Variants in RNF216 observed in about 807,000 individuals in gnomAD.
RNF216 encodes the protein E3 ubiquitin-protein ligase RNF216.
Under a neutral mutation model 110.8 loss-of-function variants are expected in RNF216, and 72 were observed. The ratio of observed to expected loss-of-function variants is 0.65; its 90% CI spans 0.54 to 0.79. The LOEUF (loss-of-function observed/expected upper bound fraction) is 0.79, where lower values mean the gene tolerates loss of function less well. RNF216 is among the 30% of genes least tolerant of loss of function. The pLI, the probability that RNF216 is intolerant of heterozygous loss-of-function variation, is 0.00. For missense variants in RNF216, 1,342 were observed against 1,141.2 expected, an observed-to-expected ratio of 1.18 and a Z score of -2.54; for synonymous variants, 495 against 407.5, an observed-to-expected ratio of 1.21 and a Z score of -2.59.
At chr7:5,751,827 T>TAAAAAAAA (rs3075700) in intron 3 of RNF216, among the ~76,000 whole-genome samples, 2 of 37,276 alleles carry the variant, frequency 5.4e-5, no homozygotes, top group Non-Finnish European at 8.7e-5. Context: ...ATCTTTAAAC[T>TAAAAAAAA]AAAAAAAAAA....
chr7:5,742,217 TTG>T (rs1479698770), intron 3 of RNF216, among the ~76,000 whole-genome samples: 1 of 152,100 alleles, frequency 6.6e-6, no homozygotes, highest in Non-Finnish European at 1.5e-5. Flanking sequence ...CAGCTAATTT[TTG>T]TGTTTCTAAG....
At chr7:5,663,413 C>G (rs1193448368) in intron 13 of RNF216, among the ~76,000 whole-genome samples, 1 of 151,766 alleles carries the variant, frequency 6.6e-6, no homozygotes, top group African/African-American at 2.4e-5. Context: ...ACCCCCGTCT[C>G]TACTAAAAAC....
intron 1 of RNF216, among the ~76,000 whole-genome samples, chr7:5,764,314 G>A (rs2128673786): frequency 6.6e-6 from 1 of 151,516 alleles, no homozygotes; most frequent in Middle Eastern, 3.5e-3. Flanking sequence ...ACATAAAAAT[G>A]TCATAAGGTA....
chr7:5,773,870 C>A (rs1417422117), intron 1 of RNF216, among the ~76,000 whole-genome samples: 1 of 152,142 alleles, frequency 6.6e-6, no homozygotes, highest in East Asian at 1.9e-4. Context: ...TGGCCCCAAG[C>A]CAAATTTCTT....
chr7:5,710,889 C>A (rs753717097), intron 13 of RNF216, among the ~76,000 whole-genome samples: 41 of 152,196 alleles, frequency 2.7e-4, no homozygotes, highest in Non-Finnish European at 4.9e-4. Flanking sequence ...AAGATGCCAG[C>A]GACTGTTGTG....
At chr7:5,711,132 T>C (rs961639393) in intron 13 of RNF216, among the ~76,000 whole-genome samples, 5 of 152,198 alleles carry the variant, frequency 3.3e-5, no homozygotes, top group Middle Eastern at 6.3e-3. Context: ...GATGCTAATA[T>C]TCACTAAAAA....
intron 13 of RNF216, among the ~76,000 whole-genome samples, chr7:5,686,224 TAA>T (rs71971690): frequency 3.8e-4 from 42 of 111,600 alleles, no homozygotes; most frequent in South Asian, 8.7e-4. Flanking sequence ...ACTCTGTTAT[TAA>T]AAAAAAAAAA....
At chr7:5,676,195 A>T (rs1307454958) in intron 13 of RNF216, among the ~76,000 whole-genome samples, 1 of 151,406 alleles carries the variant, frequency 6.6e-6, no homozygotes, top group Non-Finnish European at 1.5e-5. Flanking sequence ...TATTTTTAGG[A>T]GAGATAGGGT....
chr7:5,724,160 T>A (rs1263493991), intron 8 of RNF216, among the ~76,000 whole-genome samples: 1 of 152,136 alleles, frequency 6.6e-6, no homozygotes, highest in Non-Finnish European at 1.5e-5. Flanking sequence ...TGGAGTATGA[T>A]GTGCAGTCTT....
chr7:5,778,902 C>A (rs1796923072), intron 1 of RNF216, among the ~76,000 whole-genome samples: 2 of 152,196 alleles, frequency 1.3e-5, no homozygotes, highest in African/African-American at 4.8e-5. Context: ...CGCCATCACA[C>A]CTGGCTAATT....
intron 1 of RNF216, among the ~76,000 whole-genome samples, chr7:5,770,185 G>T (rs1202567228): frequency 1.3e-5 from 2 of 151,810 alleles, no homozygotes; most frequent in African/African-American, 4.8e-5. Context: ...ACTTGGGCTG[G>T]GCGCCGTGGC....
At chr7:5,628,477 T>TA (rs1240828489) in intron 15 of RNF216, among the ~76,000 whole-genome samples, 5 of 152,092 alleles carry the variant, frequency 3.3e-5, no homozygotes, top group Admixed American at 1.3e-4. Context: ...TTTTTTAAAA[T>TA]AAAAAAATTA....
intron 13 of RNF216, among the ~76,000 whole-genome samples, chr7:5,710,711 C>G (rs925577090): frequency 3.9e-5 from 6 of 152,204 alleles, no homozygotes; most frequent in Admixed American, 3.9e-4. Context: ...CTCCCGGGGC[C>G]TAGAACATTT....
chr7:5,713,846 A>G (rs567404436), intron 11 of RNF216, among the ~76,000 whole-genome samples: 1 of 152,362 alleles, frequency 6.6e-6, no homozygotes, highest in East Asian at 1.9e-4. Flanking sequence ...TTAGCTTTCA[A>G]AACAATGCTA....
chr7:5,735,933 A>T (rs1794370190), intron 5 of RNF216, among the ~76,000 whole-genome samples: 1 of 152,170 alleles, frequency 6.6e-6, no homozygotes, highest in Non-Finnish European at 1.5e-5. Context: ...TCTCTACTAA[A>T]AACACAAAAA....
At chr7:5,645,758 T>G (rs1488720853) in intron 14 of RNF216, among the ~76,000 whole-genome samples, 1 of 152,118 alleles carries the variant, frequency 6.6e-6, no homozygotes, top group Non-Finnish European at 1.5e-5. Context: ...ATCCAGCTAA[T>G]TTTTGTGTTT....
intron 5 of RNF216, among the ~76,000 whole-genome samples, chr7:5,731,454 TCAC>T (rs1294949321): frequency 6.8e-6 from 1 of 146,472 alleles, no homozygotes; most frequent in Non-Finnish European, 1.5e-5. Flanking sequence ...TTGTCTATTA[TCAC>T]CATGAAATAC....
chr7:5,764,150 G>A (rs772212483), intron 1 of RNF216, among the ~76,000 whole-genome samples: 6 of 150,920 alleles, frequency 4.0e-5, no homozygotes, highest in Non-Finnish European at 8.8e-5. Flanking sequence ...CTGAGATCAC[G>A]CCATTGCACT....
In RNF216 at chr7:5,721,028, C is replaced by T. The variant is rs373382119; in HGVS notation, c.1644+5G>A. The T allele has an allele frequency of 1.9e-6, 3 of 1,614,176 alleles. No individual in the cohort carries two copies. Among genetic ancestry groups the T allele is most frequent in the Non-Finnish European group, 2.5e-6 (3 of 1,179,992 alleles). On this transcript the variant is annotated splice_donor_5th_base_variant and intron_variant, in intron 9 of 16. Transcript: ENST00000389902. ...ACACCCCAAGACCAGAGCACATCTT[C>T]CTACCTCTGCCATCTCTTTGATTTT...
Sources: gnomAD v4.1 joint callset for allele counts (sites outside exome capture counted in the v4.1 genomes callset) on GRCh38, gnomAD v4.1.1 for gene constraint, MANE v1.5 for transcripts, NCBI Gene and HGNC (gene_info 2026-07-23, HGNC 2026-07-21) for gene names.